PDE4D: variants seen among roughly 807,000 people sequenced by gnomAD.
PDE4D encodes 3',5'-cyclic-AMP phosphodiesterase 4D.
PDE4D carries 24 observed loss-of-function variants against 87.4 expected under a neutral mutation model. That is an observed-to-expected ratio of 0.27 (90% CI 0.20 to 0.39). The LOEUF is 0.39. Ranked by LOEUF, PDE4D falls within the 10% of genes least tolerant of loss-of-function variation. PDE4D has a pLI of 1.00. For missense variants in PDE4D, 714 were observed against 1,041.0 expected (o/e 0.69, Z 4.32); for synonymous variants, 384 against 383.2 (o/e 1.00, Z -0.02).
At chr5:59,743,793 C>T (rs568575716) in intron 1 of PDE4D, among the ~76,000 whole-genome samples, 3 of 152,158 alleles carry the variant, frequency 2.0e-5, no homozygotes, top group Admixed American at 6.5e-5. Context: ...TTCTTTATTT[C>T]CTTTCATTGA....
intron 1 of PDE4D, among the ~76,000 whole-genome samples, chr5:60,311,074 A>G (rs1754990677): frequency 1.3e-5 from 2 of 151,122 alleles, no homozygotes; most frequent in South Asian, 4.2e-4. Flanking sequence ...CTGGCATGCA[A>G]TGAAGCGATC....
At chr5:59,628,965 C>T (rs1403237274) in intron 1 of PDE4D, among the ~76,000 whole-genome samples, 1 of 152,074 alleles carries the variant, frequency 6.6e-6, no homozygotes, top group Non-Finnish European at 1.5e-5. Flanking sequence ...CACATAGCAG[C>T]AGCAAGGAGA....
chr5:60,169,834 A>AT (rs35409072), intron 2 of PDE4D, among the ~76,000 whole-genome samples: 8,286 of 151,974 alleles, frequency 0.055, 250 homozygotes, highest in Middle Eastern at 0.085. Context: ...AATAACAATA[A>AT]TTTTTTAAAT....
intron 1 of PDE4D, among the ~76,000 whole-genome samples, chr5:59,382,864 A>G (rs1246039052): frequency 6.6e-6 from 1 of 152,186 alleles, no homozygotes; most frequent in Non-Finnish European, 1.5e-5. Context: ...TGGGGACATT[A>G]TATTTATGTA....
intron 1 of PDE4D, among the ~76,000 whole-genome samples, chr5:59,892,896 C>CCACTCA (rs1403001194): frequency 2.1e-5 from 3 of 143,886 alleles, no homozygotes; most frequent in Non-Finnish European, 4.6e-5. Context: ...AGCGCGCGCA[C>CCACTCA]CACACACACA....
intron 2 of PDE4D, among the ~76,000 whole-genome samples, chr5:60,108,629 C>T (rs1246327015): frequency 2.6e-5 from 4 of 151,996 alleles, no homozygotes; most frequent in East Asian, 1.9e-4. Context: ...GCTACAGTAA[C>T]CAAAACAGCA....
intron 1 of PDE4D, among the ~76,000 whole-genome samples, chr5:59,597,545 T>C (rs1227812054): frequency 2.6e-5 from 4 of 151,716 alleles, no homozygotes; most frequent in Non-Finnish European, 2.9e-5. Context: ...GAGAGAGAGA[T>C]TTTGGAAAAA....
intron 1 of PDE4D, among the ~76,000 whole-genome samples, chr5:59,300,336 A>G (rs1769974319): frequency 1.3e-5 from 2 of 152,040 alleles, no homozygotes; most frequent in South Asian, 4.2e-4. Context: ...ATTTTCTGAC[A>G]GTATACTTCA....
intron 5 of PDE4D, among the ~76,000 whole-genome samples, chr5:59,102,536 A>G (rs1770932758): frequency 6.6e-6 from 1 of 152,236 alleles, no homozygotes; most frequent in South Asian, 2.1e-4. Context: ...CCCAGGTTCC[A>G]ACCTCAGGAT....
At chr5:59,919,277 G>A (rs993231245) in intron 3 of PDE4D, among the ~76,000 whole-genome samples, 1 of 152,170 alleles carries the variant, frequency 6.6e-6, no homozygotes, top group Non-Finnish European at 1.5e-5. Flanking sequence ...GATTTAAGAT[G>A]TGTGCTTAAA....
At chr5:59,030,121 C>T (rs1433111726) in intron 6 of PDE4D, among the ~76,000 whole-genome samples, 3 of 152,138 alleles carry the variant, frequency 2.0e-5, no homozygotes, top group African/African-American at 4.8e-5. Flanking sequence ...CAACAATGGT[C>T]TGGGCAATGA....
rs531456891 is a variant in PDE4D, at chr5:60,091,494, T to C, written c.42+94063A>G. On this transcript the variant is annotated intron_variant, in intron 2 of 16. Transcript: ENST00000502484. Reference sequence around the variant, plus strand: ...AAAAGACAAAAAATAAACAATGCTTTCAAGGATGTAGAGAAAGAGAAATGC... The same window carrying C: ...AAAAGACAAAAAATAAACAATGCTTCCAAGGATGTAGAGAAAGAGAAATGC... Among the ~76,000 whole-genome samples, 176 of 152,222 alleles carry C rather than the reference T, an allele frequency of 1.2e-3. 1 individual carries two copies. The highest frequency in any genetic ancestry group is 4.1e-3 in the African/African-American group (171 of 41,546).
At chr5:59,543,325 C>T (rs1167936911) in intron 1 of PDE4D, among the ~76,000 whole-genome samples, 1 of 152,068 alleles carries the variant, frequency 6.6e-6, no homozygotes, top group Admixed American at 6.6e-5. Context: ...ATTAAAATGT[C>T]CAAGTGGATC....
intron 1 of PDE4D, among the ~76,000 whole-genome samples, chr5:59,443,567 C>G (rs1297219225): frequency 6.6e-6 from 1 of 152,154 alleles, no homozygotes; most frequent in Non-Finnish European, 1.5e-5. Flanking sequence ...GTCATCTGAA[C>G]TAACAATATC....
At chr5:60,488,679 G>A (rs1749343964), upstream of PDE4D, among the ~76,000 whole-genome samples, 1 of 152,058 alleles carries the variant, frequency 6.6e-6, no homozygotes, top group South Asian at 2.1e-4. Flanking sequence ...CTTTGCAGAT[G>A]GGTAGGCTTT....
At chr5:59,692,008 G>C (rs1365590203) in intron 1 of PDE4D, among the ~76,000 whole-genome samples, 1 of 152,060 alleles carries the variant, frequency 6.6e-6, no homozygotes, top group Admixed American at 6.6e-5. Flanking sequence ...GTAGGTCATA[G>C]ATATTTACGT....
intron 2 of PDE4D, among the ~76,000 whole-genome samples, chr5:60,088,542 T>C (rs1490638661): frequency 6.6e-6 from 1 of 151,914 alleles, no homozygotes; most frequent in Admixed American, 6.6e-5. Context: ...TATTACAATG[T>C]AGAGTTTATT....
At chr5:59,241,435 C>A (rs756461515) in intron 1 of PDE4D, among the ~76,000 whole-genome samples, 2 of 152,156 alleles carry the variant, frequency 1.3e-5, no homozygotes, top group Non-Finnish European at 2.9e-5. Context: ...GCTGTCTGAG[C>A]CTTAAAAGGT....
intron 1 of PDE4D, among the ~76,000 whole-genome samples, chr5:59,486,995 G>A (rs916256526): frequency 2.6e-5 from 4 of 152,146 alleles, no homozygotes; most frequent in Non-Finnish European, 5.9e-5. Flanking sequence ...TCTTGTTTTA[G>A]TTTCCAGCCT....
Sources: allele counts gnomAD v4.1 joint callset (sites outside exome capture counted in the v4.1 genomes callset), GRCh38; gene constraint gnomAD v4.1.1; transcripts MANE v1.5; gene names NCBI Gene and HGNC (gene_info 2026-07-23, HGNC 2026-07-21).